LEKR1: variants seen among roughly 807,000 people sequenced by gnomAD.
The protein encoded by LEKR1 is leucine, glutamate and lysine rich 1.
LEKR1 carries 59 observed loss-of-function variants against 72.4 expected under a neutral mutation model. That is an observed-to-expected ratio of 0.82 (90% CI 0.66 to 1.01). The LOEUF is 1.01. Ranked by LOEUF, LEKR1 falls within the 50% of genes least tolerant of loss-of-function variation. The probability of loss-of-function intolerance (pLI) is 0.00; values close to 1 mark genes in which losing one functional copy is unlikely to be tolerated. For missense variants in LEKR1, 728 were observed against 759.2 expected (o/e 0.96, Z 0.48); for synonymous variants, 257 against 263.2 (o/e 0.98, Z 0.23).
intron 7 of LEKR1, 127 bp downstream of exon 7, chr3:156,979,402 T>C (rs973847862): frequency 1.2e-5 from 5 of 403,752 alleles, no homozygotes; most frequent in African/African-American, 1.0e-4. Context: ...CTTTTGGCAG[T>C]GATTTACTGG....
chr3:156,992,999 CTT>C, intron 8 of LEKR1, 73 bp from the exon 9 acceptor site: 1 of 747,552 alleles, frequency 1.3e-6, no homozygotes, highest in South Asian at 2.7e-5. Flanking sequence ...CAAATGAGCT[CTT>C]GATACATCTT....
chr3:156,883,228 GCC>G (rs57734774), intron 3 of LEKR1, among the ~76,000 whole-genome samples: 1 of 152,182 alleles, frequency 6.6e-6, no homozygotes, highest in African/African-American at 2.4e-5. Flanking sequence ...GGGGCCTGTA[GCC>G]CCCTTTGTTT....
At chr3:156,847,541 C>G (rs1295251821) in intron 2 of LEKR1, among the ~76,000 whole-genome samples, 1 of 152,146 alleles carries the variant, frequency 6.6e-6, no homozygotes, top group Non-Finnish European at 1.5e-5. Flanking sequence ...CATTTGGGAA[C>G]ATAATTACAG....
chr3:156,829,809 A>G (rs940569454), intron 2 of LEKR1, among the ~76,000 whole-genome samples: 2 of 152,078 alleles, frequency 1.3e-5, no homozygotes, highest in Non-Finnish European at 2.9e-5. Context: ...AGGTCCACTT[A>G]TATGTGGGTT....
chr3:156,909,433 C>G (rs931113296), intron 3 of LEKR1, among the ~76,000 whole-genome samples: 1 of 151,986 alleles, frequency 6.6e-6, no homozygotes, highest in Non-Finnish European at 1.5e-5. Flanking sequence ...GGGCTGATCA[C>G]GAGGTCAGGA....
At chr3:156,949,052 T>G (rs576056394) in intron 6 of LEKR1, among the ~76,000 whole-genome samples, 1 of 151,424 alleles carries the variant, frequency 6.6e-6, no homozygotes, top group Admixed American at 6.6e-5. Flanking sequence ...TTTAGATCCT[T>G]GATAATAGAC....
Position 157,045,368 on chromosome 3 carries a change from G to T in LEKR1, c.1697G>T (p.Arg566Ile). 6.2e-7 allele frequency: 1 copy of T among 1,613,912 alleles called. No individual in the cohort carries two copies. The highest frequency in any genetic ancestry group is 8.5e-7 in the Non-Finnish European group (1 of 1,179,858). ...ENTFLQETVR[R>I]ECEERFELTE... ...ACTTTTCTTCAGGAGACAGTGCGTA[G>T]AGAATGTGAAGAACGCTTTGAACTG... The change falls in exon 13 of 13, where the codon AGA becomes ATA. Residue 566 changes from arginine to isoleucine, a missense_variant. Coordinates refer to ENST00000356539, the MANE Select transcript of LEKR1 (RefSeq NM_001004316.3).
intron 3 of LEKR1, chr3:156,888,439 T>C: frequency 1.5e-6 from 1 of 688,080 alleles, no homozygotes; most frequent in Non-Finnish European, 2.7e-6. Context: ...ATAACTTTGT[T>C]TTTGCAAAAT....
chr3:156,883,039 T>C (rs1560050066), intron 3 of LEKR1, among the ~76,000 whole-genome samples: 1 of 151,982 alleles, frequency 6.6e-6, no homozygotes, highest in Non-Finnish European at 1.5e-5. Flanking sequence ...CATTGGGATA[T>C]ATACCTAATG....
intron 6 of LEKR1, among the ~76,000 whole-genome samples, chr3:156,963,391 A>G (rs1293318087): frequency 6.6e-6 from 1 of 152,194 alleles, no homozygotes; most frequent in Non-Finnish European, 1.5e-5. Context: ...TCACCCAGGC[A>G]CAGAACATAC....
intron 9 of LEKR1, among the ~76,000 whole-genome samples, chr3:156,997,409 C>G (rs1731668064): frequency 6.6e-6 from 1 of 152,204 alleles, no homozygotes; most frequent in African/African-American, 2.4e-5. Flanking sequence ...GTGTGAACAT[C>G]CCTCCAAAAG....
chr3:156,859,415 T>A (rs186812764), intron 3 of LEKR1, among the ~76,000 whole-genome samples: 2 of 152,350 alleles, frequency 1.3e-5, no homozygotes, highest in African/African-American at 4.8e-5. Context: ...TCACAACGTT[T>A]TATACTGACT....
chr3:156,874,517 G>C (rs1478039830), intron 3 of LEKR1, among the ~76,000 whole-genome samples: 2 of 148,432 alleles, frequency 1.3e-5, no homozygotes, highest in East Asian at 4.1e-4. Context: ...CCCTTGGCTT[G>C]TTATATGTGA....
intron 6 of LEKR1, among the ~76,000 whole-genome samples, chr3:156,958,698 G>A (rs1242061470): frequency 6.6e-6 from 1 of 151,978 alleles, no homozygotes; most frequent in Non-Finnish European, 1.5e-5. Context: ...TCTCCCACAC[G>A]CCAGCCAACG....
intron 9 of LEKR1, among the ~76,000 whole-genome samples, chr3:156,995,856 A>G (rs1731519161): frequency 6.6e-6 from 1 of 152,182 alleles, no homozygotes; most frequent in Non-Finnish European, 1.5e-5. Flanking sequence ...AAATTTTTTA[A>G]AAATGTCCTT....
At chr3:156,830,766 T>C (rs1260915699) in intron 2 of LEKR1, among the ~76,000 whole-genome samples, 2 of 151,950 alleles carry the variant, frequency 1.3e-5, no homozygotes, top group South Asian at 2.1e-4. Flanking sequence ...ACTTAAAAGG[T>C]GAAAGATCTA....
chr3:157,034,551 G>A (rs187562258), intron 12 of LEKR1, among the ~76,000 whole-genome samples: 34 of 152,332 alleles, frequency 2.2e-4, no homozygotes, highest in African/African-American at 7.7e-4. Context: ...TCTTATAGAT[G>A]AGCAAAGAAA....
intron 9 of LEKR1, among the ~76,000 whole-genome samples, chr3:157,004,441 T>C (rs1732257629): frequency 6.6e-6 from 1 of 152,156 alleles, no homozygotes; most frequent in African/African-American, 2.4e-5. Context: ...CAGTAGGCTA[T>C]AGAAGACTTG....
chr3:156,962,294 T>G (rs973165256), intron 6 of LEKR1, among the ~76,000 whole-genome samples: 2 of 152,180 alleles, frequency 1.3e-5, no homozygotes. Context: ...TGGCTTCAAA[T>G]AAAAGGGGAA....
Sources: gnomAD v4.1 joint callset for allele counts (sites outside exome capture counted in the v4.1 genomes callset) on GRCh38, gnomAD v4.1.1 for gene constraint, MANE v1.5 for transcripts, NCBI Gene and HGNC (gene_info 2026-07-23, HGNC 2026-07-21) for gene names.